Variants in RO60 observed in about 807,000 individuals in gnomAD.
RO60 encodes RNA-binding protein RO60.
Under a neutral mutation model 55.3 loss-of-function variants are expected in RO60, and 20 were observed. The ratio of observed to expected loss-of-function variants is 0.36; its 90% CI spans 0.25 to 0.53. RO60 has a LOEUF of 0.53. Ranked by LOEUF, RO60 falls within the 20% of genes least tolerant of loss-of-function variation. The pLI, the probability that RO60 is intolerant of heterozygous loss-of-function variation, is 0.92. For synonymous variants in RO60, 213 were observed against 213.6 expected (o/e 1.00, Z 0.02); for missense variants, 558 against 646.6 (o/e 0.86, Z 1.49).
intron 1 of RO60, among the ~76,000 whole-genome samples, chr1:193,067,309 C>T (rs993256166): frequency 2.0e-5 from 3 of 151,360 alleles, no homozygotes; most frequent in African/African-American, 7.3e-5. Context: ...CCTCAGCCTC[C>T]CTCCTGAGTA....
chr1:193,088,751 A>G lies in RO60; in HGVS notation c.*4020A>G, dbSNP rs997603235. Reference sequence around the variant, plus strand: ...TAAACATGCACAAGAAAGAATTTGTAAAAAAAAATGACAGGTTAATCAATG... The same window carrying G: ...TAAACATGCACAAGAAAGAATTTGTGAAAAAAAATGACAGGTTAATCAATG... On this transcript the variant is annotated 3_prime_UTR_variant, in exon 9 of 9. Transcript: ENST00000400968. 5 of 148,732 alleles carry G rather than the reference A, an allele frequency of 3.4e-5. No homozygotes were observed. Among genetic ancestry groups the G allele is most frequent in the African/African-American group, 1.2e-4 (5 of 41,106 alleles). 9.2% of individuals were successfully genotyped at this position (148,732 alleles called of 1,614,324 possible). A position where few individuals can be genotyped will look rare whatever the true frequency, so the allele number is the denominator to read the frequency against.
At chr1:193,072,181 T>A (rs944800874) in intron 2 of RO60, among the ~76,000 whole-genome samples, 1 of 152,150 alleles carries the variant, frequency 6.6e-6, no homozygotes, top group Admixed American at 6.5e-5. Flanking sequence ...TTTTTGTATT[T>A]TTAGTAGAGG....
At position 193,085,752 on chromosome 1, in the gene RO60, T is replaced by C; in HGVS notation, c.*1021T>C. On this transcript the variant is annotated 3_prime_UTR_variant, in exon 9 of 9. Coordinates refer to ENST00000400968, the MANE Select transcript of RO60 (RefSeq NM_001173524.2). ...CAATGGCCTCTTTGTCCATTATTCA[T>C]TTTGTGGCAAAATATTCTTCTTTGA... The C allele has an allele frequency of 2.0e-6, 2 of 985,088 alleles. No individual in the cohort carries two copies. Among genetic ancestry groups the C allele is most frequent in the Non-Finnish European group, 2.4e-6 (2 of 829,630 alleles). The allele number at this position is 985,088 out of a possible 1,614,324, so 61.0% of individuals were successfully genotyped here.
intron 2 of RO60, among the ~76,000 whole-genome samples, chr1:193,074,339 T>C (rs1673742732): frequency 6.6e-6 from 1 of 152,206 alleles, no homozygotes; most frequent in Admixed American, 6.5e-5. Context: ...TTGAACTAGT[T>C]TACAGTCCCA....
chr1:193,086,152 CT>C lies in RO60; in HGVS notation c.*1425del. 1.9e-6 allele frequency: 1 copy of C among 536,850 alleles called. No individual in the cohort carries two copies. Among genetic ancestry groups the C allele is most frequent in the Non-Finnish European group, 2.4e-6 (1 of 420,860 alleles). The allele number at this position is 536,850 out of a possible 1,614,324, so 33.3% of individuals were successfully genotyped here. On this transcript the variant is annotated 3_prime_UTR_variant, in exon 9 of 9. Transcript: ENST00000400968. ...AACTGTAGTTAATGTAAATTATAGC[CT>C]TTTAGGTGCTTGGGGGTTAGAGGGT...
At chr1:193,081,598 C>A in intron 6 of RO60, 118 bp downstream of exon 6, 2 of 594,316 alleles carry the variant, frequency 3.4e-6, no homozygotes, top group Non-Finnish European at 5.8e-6. Flanking sequence ...TTCAGCTTGT[C>A]ACATTTTTAA....
intron 4 of RO60, 75 bp downstream of exon 4, chr1:193,076,722 G>C (rs917140734): frequency 6.9e-7 from 1 of 1,442,726 alleles, no homozygotes; most frequent in African/African-American, 1.4e-5. Context: ...AATGCCGTCA[G>C]TGCATTTTTA....
Position 193,085,251 on chromosome 1 carries a change from A to C in RO60, c.*520A>C, listed in dbSNP as rs1674573949. On this transcript the variant is annotated 3_prime_UTR_variant, in exon 9 of 9. Coordinates refer to ENST00000400968, the MANE Select transcript of RO60 (RefSeq NM_001173524.2). ...AACTAAGGCATTTGATTAAATTATG[A>C]ATGAGTTTTACAAATTCCTTTCAGA... The C allele has an allele frequency of 8.8e-7, 1 of 1,136,890 alleles. No individual in the cohort carries two copies. Among genetic ancestry groups the C allele is most frequent in the African/African-American group, 1.6e-5 (1 of 62,892 alleles). The allele number at this position is 1,136,890 out of a possible 1,614,324, so 70.4% of individuals were successfully genotyped here. A position where few individuals can be genotyped will look rare whatever the true frequency, so the allele number is the denominator to read the frequency against.
At chr1:193,064,349 A>T (rs1375237238) in intron 1 of RO60, among the ~76,000 whole-genome samples, 2 of 152,160 alleles carry the variant, frequency 1.3e-5, no homozygotes, top group African/African-American at 4.8e-5. Flanking sequence ...CTAGGGGCCC[A>T]TGTTGCCTCA....
intron 8 of RO60, among the ~76,000 whole-genome samples, chr1:193,084,303 A>G (rs995503803): frequency 1.3e-5 from 2 of 152,222 alleles, no homozygotes; most frequent in East Asian, 1.9e-4. Context: ...CATAAGTACA[A>G]AGTGCCTAGG....
At position 193,082,687 on chromosome 1, in the gene RO60, T is replaced by C. The variant is rs755183227; in HGVS notation, c.1443T>C (p.Ile481=). Residue 481 remains isoleucine, a synonymous_variant, in exon 8 of 9, where the codon ATT becomes ATC. Coordinates refer to ENST00000400968, the MANE Select transcript of RO60 (RefSeq NM_001173524.2). ...ETFAGGVHPA[I]ALREYRKKMD... Reference sequence around the variant, plus strand: ...TTGCTGGAGGTGTCCATCCTGCTATTGCTCTGAGGGAGTATCGAAAGGTAA... The same window carrying C: ...TTGCTGGAGGTGTCCATCCTGCTATCGCTCTGAGGGAGTATCGAAAGGTAA... 2 of 1,613,636 alleles carry C rather than the reference T, an allele frequency of 1.2e-6. No individual in the cohort carries two copies. The highest frequency in any genetic ancestry group is 1.7e-5 in the Admixed American group (1 of 59,968).
At chr1:193,084,175 G>A (rs1356225068) in intron 8 of RO60, among the ~76,000 whole-genome samples, 1 of 152,160 alleles carries the variant, frequency 6.6e-6, no homozygotes, top group Non-Finnish European at 1.5e-5. Context: ...ACATATCAAA[G>A]TCATCAGCCA....
Position 193,069,273 on chromosome 1 carries a change from G to C in RO60, c.219G>C (p.Val73=). The change falls in exon 2 of 9, where the codon GTG becomes GTC. Residue 73 remains valine (V), a synonymous_variant. Coordinates refer to ENST00000400968, the MANE Select transcript of RO60 (RefSeq NM_001173524.2). ...RLIEDGRGCE[V]IQEIKSFSQE... is the part of the protein sequence containing the mutation. ...TTGAAGATGGCAGAGGATGTGAAGT[G>C]ATACAAGAAATAAAGTCATTTAGTC... 6.2e-7 allele frequency: 1 copy of C among 1,614,196 alleles called. No individual in the cohort carries two copies. The highest frequency in any genetic ancestry group is 8.5e-7 in the Non-Finnish European group (1 of 1,180,042).
In RO60 at chr1:193,084,747, C is replaced by G. The variant is rs773043987; in HGVS notation, c.*16C>G. The G allele has an allele frequency of 1.2e-6, 2 of 1,606,208 alleles. No individual in the cohort carries two copies. The highest frequency in any genetic ancestry group is 4.5e-5 in the East Asian group (2 of 44,816). ...TATGATTTAACCATAAGCAGCAGCA[C>G]GATCCAGAGATCCATTGCCATCAGT... is the stretch of plus-strand genomic sequence containing the variant. On this transcript the variant is annotated 3_prime_UTR_variant, in exon 9 of 9. Transcript: ENST00000400968.
chr1:193,082,499 T>G, intron 7 of RO60, 63 bp from the exon 8 acceptor site: 1 of 1,549,374 alleles, frequency 6.5e-7, no homozygotes, highest in South Asian at 1.1e-5. Context: ...AAAATGATAC[T>G]GTAAAAACTA....
intron 2 of RO60, among the ~76,000 whole-genome samples, chr1:193,072,891 G>C (rs546185262): frequency 6.6e-6 from 1 of 152,192 alleles, no homozygotes; most frequent in Admixed American, 6.5e-5. Context: ...ATTTGAAATT[G>C]TTGAGGGCAG....
rs1169647735 is a variant in RO60, at chr1:193,089,217, T to C, written c.*4486T>C. On this transcript the variant is annotated 3_prime_UTR_variant, in exon 9 of 9. Transcript: ENST00000400968. ...CTAGCTATGTTGAAAAGATAAGTGC[T>C]TACTATATAAGCACTCTTAGAAAAA... The C allele has an allele frequency of 6.6e-6, 1 of 152,196 alleles. No individual in the cohort carries two copies. Among genetic ancestry groups the C allele is most frequent in the East Asian group, 1.9e-4 (1 of 5,202 alleles). The allele number at this position is 152,196 out of a possible 1,614,324, so 9.4% of individuals were successfully genotyped here.
intron 2 of RO60, among the ~76,000 whole-genome samples, chr1:193,073,121 C>T (rs755518194): frequency 2.0e-5 from 3 of 152,238 alleles, no homozygotes; most frequent in East Asian, 1.9e-4. Context: ...GCATGGCCAG[C>T]GCAATTACAG....
chr1:193,079,862 C>T (rs1674179450), intron 5 of RO60, among the ~76,000 whole-genome samples: 1 of 151,746 alleles, frequency 6.6e-6, no homozygotes, highest in South Asian at 2.1e-4. Context: ...TGCAGTGGCT[C>T]ACGCCTGTAA....
Sources: gnomAD v4.1 joint callset for allele counts (sites outside exome capture counted in the v4.1 genomes callset) on GRCh38, gnomAD v4.1.1 for gene constraint, MANE v1.5 for transcripts, NCBI Gene and HGNC (gene_info 2026-07-23, HGNC 2026-07-21) for gene names.